The following BCKDHB variants were observed in gnomAD, a reference collection of about 807,000 sequenced individuals.
The protein encoded by BCKDHB is 2-oxoisovalerate dehydrogenase subunit beta, mitochondrial.
A neutral mutation model predicts 48.5 loss-of-function variants in BCKDHB; 41 were observed. That is an observed-to-expected ratio of 0.85 (90% CI 0.66 to 1.10). The LOEUF (loss-of-function observed/expected upper bound fraction) is 1.10. BCKDHB is among the 50% of genes least tolerant of loss of function. The pLI is 0.00. For missense variants in BCKDHB, 496 were observed against 494.2 expected, an observed-to-expected ratio of 1.00 and a Z score of -0.03; for synonymous variants, 201 against 174.8, an observed-to-expected ratio of 1.15 and a Z score of -1.18.
chr6:80,433,768 AT>A, the BCKDHB span, among the ~76,000 whole-genome samples: 26 of 151,832 alleles, frequency 1.7e-4, no homozygotes, highest in Non-Finnish European at 2.5e-4. Flanking sequence ...TGATTTTAAG[AT>A]TTTTTAAAAA....
chr6:80,312,674 T>A (rs1460126475), intron 9 of BCKDHB, among the ~76,000 whole-genome samples: 1 of 152,204 alleles, frequency 6.6e-6, no homozygotes, highest in Non-Finnish European at 1.5e-5. Context: ...TTTTTCTGAA[T>A]CTATTGAGAT....
At chr6:80,409,315 A>G in the BCKDHB span, among the ~76,000 whole-genome samples, 1 of 151,752 alleles carries the variant, frequency 6.6e-6, no homozygotes, top group Non-Finnish European at 1.5e-5. Context: ...GGTCAATTTT[A>G]GAATAAGTTC....
At chr6:80,107,517 A>ATATATATATG (rs1769166179) in intron 1 of BCKDHB, among the ~76,000 whole-genome samples, 1 of 45,114 alleles carries the variant, frequency 2.2e-5, no homozygotes, top group Non-Finnish European at 3.9e-5. Context: ...ATGTGCGCAT[A>ATATATATATG]TATATATATA....
intron 3 of BCKDHB, among the ~76,000 whole-genome samples, chr6:80,136,224 G>A (rs1228141367): frequency 6.6e-6 from 1 of 152,086 alleles, no homozygotes; most frequent in Non-Finnish European, 1.5e-5. Flanking sequence ...TTACTGCAAA[G>A]CTGTAGTTAT....
chr6:80,458,965 A>C, the BCKDHB span, among the ~76,000 whole-genome samples: 1 of 152,158 alleles, frequency 6.6e-6, no homozygotes, highest in Non-Finnish European at 1.5e-5. Flanking sequence ...ATTTTAAAAA[A>C]CCCACAAAAT....
At chr6:80,167,899 T>G in intron 4 of BCKDHB, 88 bp downstream of exon 4, 1 of 1,305,220 alleles carries the variant, frequency 7.7e-7, no homozygotes, top group Non-Finnish European at 1.1e-6. Context: ...ACCTGCATTC[T>G]AAACATTTTA....
chr6:80,146,640 A>G (rs1311490657), intron 3 of BCKDHB, among the ~76,000 whole-genome samples: 1 of 152,170 alleles, frequency 6.6e-6, no homozygotes, highest in African/African-American at 2.4e-5. Context: ...GCAGTGGGGC[A>G]GCCAAGAACC....
the BCKDHB span, among the ~76,000 whole-genome samples, chr6:80,420,194 C>T: frequency 1.3e-5 from 2 of 152,120 alleles, no homozygotes; most frequent in East Asian, 3.9e-4. Context: ...TTATTTTGTT[C>T]CTTTGGTCCT....
At chr6:80,185,373 T>C (rs1210791658) in intron 6 of BCKDHB, among the ~76,000 whole-genome samples, 1 of 152,214 alleles carries the variant, frequency 6.6e-6, no homozygotes, top group Non-Finnish European at 1.5e-5. Context: ...CCTTTTCTGG[T>C]ACCTCCTTGA....
intron 3 of BCKDHB, among the ~76,000 whole-genome samples, chr6:80,134,743 TTTTA>T (rs369623862): frequency 2.6e-5 from 4 of 151,182 alleles, no homozygotes; most frequent in South Asian, 2.1e-4. Flanking sequence ...TTTTGTTTTA[TTTTA>T]TTTATTTATT....
chr6:80,201,126 C>A, intron 7 of BCKDHB, 95 bp downstream of exon 7: 2 of 1,030,894 alleles, frequency 1.9e-6, no homozygotes, highest in South Asian at 1.3e-5. Flanking sequence ...ACGATGTTTT[C>A]TTTATATCTC....
the BCKDHB span, among the ~76,000 whole-genome samples, chr6:80,378,402 A>AG: frequency 5.3e-5 from 8 of 152,036 alleles, no homozygotes; most frequent in African/African-American, 1.9e-4. Flanking sequence ...GTTGCTGCAA[A>AG]GACATGATTT....
chr6:80,375,350 A>G, the BCKDHB span, among the ~76,000 whole-genome samples: 1 of 152,116 alleles, frequency 6.6e-6, no homozygotes, highest in Non-Finnish European at 1.5e-5. Flanking sequence ...CATTTTTAAA[A>G]TTATTTTTTC....
chr6:80,365,605 G>T, the BCKDHB span, among the ~76,000 whole-genome samples: 1 of 152,068 alleles, frequency 6.6e-6, no homozygotes, highest in South Asian at 2.1e-4. Context: ...CCTAAAAATT[G>T]CTGTTATTCT....
chr6:80,130,391 C>T (rs1485230613), intron 3 of BCKDHB, among the ~76,000 whole-genome samples: 1 of 152,064 alleles, frequency 6.6e-6, no homozygotes, highest in Admixed American at 6.6e-5. Flanking sequence ...TTCTGTTCCA[C>T]TCTTTCTGAG....
chr6:80,329,622 C>T (rs554666149), intron 9 of BCKDHB, among the ~76,000 whole-genome samples: 2 of 152,168 alleles, frequency 1.3e-5, no homozygotes, highest in Admixed American at 1.3e-4. Context: ...TCCCCCTCCT[C>T]CCTGTGCTGG....
rs1243688176 is a variant in BCKDHB, at chr6:80,270,237, G to C, written c.952-2898G>C. ...ATATGCTAATTGAGTGTGACTGAAA[G>C]TATCAGTCTTCTAAATTTTTGCATT... On this transcript the variant is annotated intron_variant, in intron 8 of 9. Transcript: ENST00000320393. Among the ~76,000 whole-genome samples, 3 of 152,134 alleles carry C rather than the reference G, an allele frequency of 2.0e-5. No homozygotes were observed. In the East Asian group the frequency reaches 5.8e-4, roughly 29 times the overall value.
intron 8 of BCKDHB, among the ~76,000 whole-genome samples, chr6:80,220,766 C>T (rs151194867): frequency 0.01 from 1,284 of 123,056 alleles, 28 homozygotes; most frequent in African/African-American, 0.038. Flanking sequence ...TGGAGTTTTG[C>T]TCTTGTCACT....
chr6:80,395,108 G>A, the BCKDHB span, among the ~76,000 whole-genome samples: 7 of 152,102 alleles, frequency 4.6e-5, no homozygotes, highest in Non-Finnish European at 7.3e-5. Flanking sequence ...TTTCTTCATA[G>A]CAGGGTGAGA....
Sources: allele counts gnomAD v4.1 joint callset (sites outside exome capture counted in the v4.1 genomes callset), GRCh38; gene constraint gnomAD v4.1.1; transcripts MANE v1.5; gene names NCBI Gene and HGNC (gene_info 2026-07-23, HGNC 2026-07-21).